Variants in SPICE1 observed in about 807,000 individuals in gnomAD.
The protein encoded by SPICE1 is spindle and centriole associated protein 1.
In SPICE1, 75 loss-of-function variants were observed where a neutral mutation model predicts 102.7. The observed-to-expected ratio is 0.73, with a 90% CI of 0.61 to 0.88. The LOEUF (loss-of-function observed/expected upper bound fraction) is 0.88, where lower values mean the gene tolerates loss of function less well. Among genes scored for constraint, SPICE1 ranks in the 40% least tolerant of loss-of-function variants. The pLI, the probability that SPICE1 is intolerant of heterozygous loss-of-function variation, is 0.00. For synonymous variants in SPICE1, 308 were observed against 350.3 expected, an observed-to-expected ratio of 0.88 and a Z score of 1.35; for missense variants, 979 against 1,020.1, an observed-to-expected ratio of 0.96 and a Z score of 0.55.
rs1197747604 is a variant in SPICE1, at chr3:113,453,811, G to A, written c.1797C>T (p.Leu599=). The change falls in exon 14 of 18, where the codon CTC becomes CTT. Residue 599 remains leucine (L), a synonymous_variant. Coordinates refer to ENST00000295872, the MANE Select transcript of SPICE1 (RefSeq NM_144718.4). ...DIQNSSEENR[L]FTQRWRVSHM... Reference sequence around the variant, plus strand: ...GAGAGACTCTCCATCTCTGAGTGAAGAGACGATTCTCTTCACTTGAATTCT... The same window carrying A: ...GAGAGACTCTCCATCTCTGAGTGAAAAGACGATTCTCTTCACTTGAATTCT... 1 of 1,614,176 alleles carries A rather than the reference G, an allele frequency of 6.2e-7. No homozygotes were observed. Among genetic ancestry groups the A allele is most frequent in the Admixed American group, 1.7e-5 (1 of 60,030 alleles).
At chr3:113,449,748 C>T (rs1935602278) in intron 15 of SPICE1, 1 of 153,266 alleles carries the variant, frequency 6.5e-6, no homozygotes, top group African/African-American at 2.4e-5. Context: ...ATCAATCTCT[C>T]AGTACTCTTC....
rs753702238 is a variant in SPICE1, at chr3:113,468,156, C to T, written c.1138G>A (p.Val380Ile). 3.7e-6 allele frequency: 6 copies of T among 1,614,048 alleles called. No individual in the cohort carries two copies. The East Asian group carries it at 6.7e-5, about 18-fold the overall frequency. ...LSLVSSLCRL[V>I]RYLKESEIQL... ...GTCCTTACCTCTTTAAGGTACCGAACCAGGCGACAGAGGGAGCTCACCAGC... is the reference window on the plus strand; with the variant it reads ...GTCCTTACCTCTTTAAGGTACCGAATCAGGCGACAGAGGGAGCTCACCAGC... The change falls in exon 10 of 18, where the codon GTT becomes ATT. Residue 380 changes from valine to isoleucine, a missense_variant. Val to Ile is a conservative substitution (Grantham distance 29). Transcript: ENST00000295872.
At chr3:113,508,031 G>A (rs1438140843) in intron 1 of SPICE1, among the ~76,000 whole-genome samples, 1 of 152,036 alleles carries the variant, frequency 6.6e-6, no homozygotes, top group Non-Finnish European at 1.5e-5. Flanking sequence ...ATTCAACGGG[G>A]AAAGAATAGT....
chr3:113,453,461 C>T lies in SPICE1; in HGVS notation c.2142+5G>A, dbSNP rs778328597. Reference sequence around the variant, plus strand: ...GTCCCTAATCAATCCTTAAATGGTACTCACAGAAGTCATGTCACTTGCACT... The same window carrying T: ...GTCCCTAATCAATCCTTAAATGGTATTCACAGAAGTCATGTCACTTGCACT... On this transcript the variant is annotated splice_donor_5th_base_variant and intron_variant, in intron 14 of 17. Transcript: ENST00000295872. 2 of 1,591,056 alleles carry T rather than the reference C, an allele frequency of 1.3e-6. No individual in the cohort carries two copies. Among genetic ancestry groups the T allele is most frequent in the Admixed American group, 3.5e-5 (2 of 56,766 alleles).
At chr3:113,513,392 C>A (rs929683994) in intron 1 of SPICE1, among the ~76,000 whole-genome samples, 1 of 152,134 alleles carries the variant, frequency 6.6e-6, no homozygotes, top group Non-Finnish European at 1.5e-5. Flanking sequence ...GCCTAGGTGA[C>A]AAAGTGAGGC....
At chr3:113,487,300 T>C (rs769200707) in intron 7 of SPICE1, among the ~76,000 whole-genome samples, 1 of 152,094 alleles carries the variant, frequency 6.6e-6, no homozygotes, top group Non-Finnish European at 1.5e-5. Context: ...AAATGTGGAA[T>C]AAGAAGACCA....
intron 13 of SPICE1, among the ~76,000 whole-genome samples, chr3:113,455,829 A>G (rs1293703333): frequency 2.0e-5 from 3 of 152,266 alleles, no homozygotes; most frequent in Non-Finnish European, 4.4e-5. Context: ...TGTCTATAGC[A>G]ATCCCTGACA....
intron 11 of SPICE1, among the ~76,000 whole-genome samples, chr3:113,461,188 A>G (rs1470544375): frequency 6.6e-6 from 1 of 152,072 alleles, no homozygotes; most frequent in Non-Finnish European, 1.5e-5. Context: ...ACTGGTAAAC[A>G]TGAACAGCAC....
Position 113,481,274 on chromosome 3 carries a change from T to C in SPICE1, c.611+7671A>G, listed in dbSNP as rs1251766561. Among the ~76,000 whole-genome samples, 6 of 152,148 alleles carry C rather than the reference T, an allele frequency of 3.9e-5. No homozygotes were observed. In the East Asian group the frequency reaches 1.2e-3, roughly 29 times the overall value. ...AAGAATAACTAGTTAGGAGGTATAA[T>C]GGAAGACAAAATTCCATTTAAAAGA... is the stretch of plus-strand genomic sequence containing the variant. On this transcript the variant is annotated intron_variant, in intron 7 of 17. Coordinates refer to ENST00000295872, the MANE Select transcript of SPICE1 (RefSeq NM_144718.4).
chr3:113,484,086 T>A (rs1559969392), intron 7 of SPICE1, among the ~76,000 whole-genome samples: 1 of 152,190 alleles, frequency 6.6e-6, no homozygotes, highest in African/African-American at 2.4e-5. Flanking sequence ...GGATTCGACT[T>A]CTTCTGGTTT....
rs1441838955 is a variant in SPICE1, at chr3:113,506,587, T to C, written c.19A>G (p.Asn7Asp). The change falls in exon 2 of 18, where the codon AAC becomes GAC. Residue 7 changes from asparagine to aspartate, a missense_variant. Transcript: ENST00000295872. MSFVRVNRCGPRVGVRK... is the reference protein window; with the variant it reads MSFVRVDRCGPRVGVRK... ...ACACCAACTCGGGGACCACAGCGGT[T>C]CACTCTGACAAATGACATCTAGGAA... 1 of 1,613,026 alleles carries C rather than the reference T, an allele frequency of 6.2e-7. No individual in the cohort carries two copies. Among genetic ancestry groups the C allele is most frequent in the African/African-American group, 1.3e-5 (1 of 74,884 alleles).
At chr3:113,461,277 T>C (rs1935927663) in intron 11 of SPICE1, among the ~76,000 whole-genome samples, 1 of 151,802 alleles carries the variant, frequency 6.6e-6, no homozygotes, top group African/African-American at 2.4e-5. Context: ...TAACACTATA[T>C]TTTATATATG....
intron 4 of SPICE1, among the ~76,000 whole-genome samples, chr3:113,498,344 TC>T (rs772073326): frequency 4.6e-5 from 7 of 152,236 alleles, no homozygotes; most frequent in Middle Eastern, 3.4e-3. Flanking sequence ...TTCTACCACA[TC>T]TATAACTTGT....
At chr3:113,479,318 T>A (rs1402832321) in intron 7 of SPICE1, among the ~76,000 whole-genome samples, 1 of 151,504 alleles carries the variant, frequency 6.6e-6, no homozygotes, top group Non-Finnish European at 1.5e-5. Context: ...TCATTTTTTA[T>A]GGCTGCATAG....
In SPICE1 at chr3:113,499,165, G is replaced by C. The variant is rs1936957391; in HGVS notation, c.291+274C>G. ...TCACTGAAATCTCATAGCAATACAA[G>C]CAAATAATAATTTTAAATATGAGAA... On this transcript the variant is annotated intron_variant, in intron 4 of 17. Transcript: ENST00000295872. 3.1e-5 allele frequency: 8 copies of C among 257,014 alleles called. No individual in the cohort carries two copies. In the South Asian group the frequency reaches 8.2e-4, roughly 26 times the overall value. 15.9% of individuals were successfully genotyped at this position (257,014 alleles called of 1,614,324 possible).
Position 113,503,177 on chromosome 3 carries a change from C to T in SPICE1, c.147+3G>A. Reference sequence around the variant, plus strand: ...ATGACTTAAGTTTTGATATTAAACTCACCAGATCTTCGGGAGTTGCCCGAT... The same window carrying T: ...ATGACTTAAGTTTTGATATTAAACTTACCAGATCTTCGGGAGTTGCCCGAT... On this transcript the variant is annotated splice_donor_region_variant and intron_variant, in intron 3 of 17. Transcript: ENST00000295872. The T allele has an allele frequency of 6.2e-7, 1 of 1,606,692 alleles. No individual in the cohort carries two copies.
chr3:113,498,329 C>T (rs1936940189), intron 4 of SPICE1, among the ~76,000 whole-genome samples: 1 of 152,156 alleles, frequency 6.6e-6, no homozygotes. Context: ...TCTTTAAACA[C>T]CTACTTCTAC....
chr3:113,445,980 A>G (rs2129432), intron 17 of SPICE1, among the ~76,000 whole-genome samples: 9,414 of 152,214 alleles, frequency 0.062, 381 homozygotes, highest in African/African-American at 0.11. Context: ...TACCATAACC[A>G]CTCAAAGGAA....
At chr3:113,502,436 C>T (rs1937026306) in intron 3 of SPICE1, among the ~76,000 whole-genome samples, 1 of 152,046 alleles carries the variant, frequency 6.6e-6, no homozygotes, top group Admixed American at 6.6e-5. Context: ...CCAGAATAGG[C>T]AAATACATAA....
Sources: allele counts gnomAD v4.1 joint callset (sites outside exome capture counted in the v4.1 genomes callset), GRCh38; gene constraint gnomAD v4.1.1; transcripts MANE v1.5; gene names NCBI Gene and HGNC (gene_info 2026-07-23, HGNC 2026-07-21).